Variants in SAMHD1 observed in about 807,000 individuals in gnomAD.
SAMHD1 encodes deoxynucleoside triphosphate triphosphohydrolase SAMHD1.
In SAMHD1, 54 loss-of-function variants were observed where a neutral mutation model predicts 79.6. The ratio of observed to expected loss-of-function variants is 0.68; its 90% CI spans 0.55 to 0.85. SAMHD1 has a LOEUF of 0.85. Among genes scored for constraint, SAMHD1 ranks in the 40% least tolerant of loss-of-function variants. The probability of loss-of-function intolerance (pLI) is 0.00; values close to 1 mark genes in which losing one functional copy is unlikely to be tolerated. For synonymous variants in SAMHD1, 260 were observed against 264.1 expected (o/e 0.98, Z 0.15); for missense variants, 663 against 782.7 (o/e 0.85, Z 1.82).
rs1601138007 is a variant in SAMHD1 at position 36,927,047 on chromosome 20, T to C, written c.696+135A>G. The C allele has an allele frequency of 4.1e-6, 3 of 734,926 alleles. No homozygotes were observed. In the South Asian group the frequency reaches 4.6e-5, roughly 11 times the overall value. 45.5% of individuals were successfully genotyped at this position (734,926 alleles called of 1,614,324 possible). ...AAACAAAAGCATATATATATATATG[T>C]GAATGAAAGCACCCTGGACACTGTA... On this transcript the variant is annotated intron_variant, in intron 6 of 15. Transcript: ENST00000646673.
intron 5 of SAMHD1, among the ~76,000 whole-genome samples, chr20:36,929,778 T>C (rs1256424380): frequency 1.3e-5 from 2 of 152,128 alleles, no homozygotes; most frequent in African/African-American, 4.8e-5. Context: ...TATATTCTTT[T>C]GCTTGGATTA....
At chr20:36,917,732 C>G (rs1398505953) in intron 7 of SAMHD1, among the ~76,000 whole-genome samples, 1 of 152,130 alleles carries the variant, frequency 6.6e-6, no homozygotes, top group East Asian at 1.9e-4. Context: ...TACTATCTTT[C>G]AAAGTAGCTA....
At chr20:36,939,463 G>A (rs1043231165) in intron 3 of SAMHD1, among the ~76,000 whole-genome samples, 1 of 151,760 alleles carries the variant, frequency 6.6e-6, no homozygotes, top group African/African-American at 2.4e-5. Flanking sequence ...GGGCATGGTG[G>A]TGTGCACCTG....
At chr20:36,944,790 A>G (rs2063674270) in intron 2 of SAMHD1, among the ~76,000 whole-genome samples, 1 of 152,112 alleles carries the variant, frequency 6.6e-6, no homozygotes, top group African/African-American at 2.4e-5. Flanking sequence ...GCTACTCGGG[A>G]GGCTGAGGCA....
chr20:36,928,510 C>A (rs1033864964), intron 5 of SAMHD1, among the ~76,000 whole-genome samples: 8 of 151,358 alleles, frequency 5.3e-5, no homozygotes, highest in Non-Finnish European at 1.2e-4. Flanking sequence ...GATGGTGAAA[C>A]CCTGTTTCTA....
intron 15 of SAMHD1, among the ~76,000 whole-genome samples, chr20:36,894,948 T>C (rs1601110507): frequency 6.6e-6 from 1 of 151,866 alleles, no homozygotes; most frequent in South Asian, 2.1e-4. Context: ...TCATAGCTCA[T>C]TGCAGCCTCA....
intron 7 of SAMHD1, among the ~76,000 whole-genome samples, chr20:36,917,881 A>G (rs1037456516): frequency 1.8e-4 from 27 of 152,224 alleles, no homozygotes; most frequent in Middle Eastern, 3.4e-3. Context: ...AAACAGCCCT[A>G]AAAATCTCAG....
At chr20:36,940,752 C>A in intron 3 of SAMHD1, 2 of 449,920 alleles carry the variant, frequency 4.4e-6, no homozygotes, top group Non-Finnish European at 8.0e-6. Flanking sequence ...TAATATTTTG[C>A]TCTAAAAATA....
At chr20:36,910,278 G>A (rs947016383) in intron 11 of SAMHD1, among the ~76,000 whole-genome samples, 2 of 150,280 alleles carry the variant, frequency 1.3e-5, no homozygotes, top group African/African-American at 4.9e-5. Context: ...GTCCCAAGTA[G>A]CCAAATCAGC....
At chr20:36,903,826 C>A (rs965294136) in intron 13 of SAMHD1, 2 of 217,532 alleles carry the variant, frequency 9.2e-6, no homozygotes, top group African/African-American at 4.7e-5. Context: ...TCTGGGATTA[C>A]AGGCGTGAGC....
At chr20:36,910,216 C>A (rs2063429359) in intron 11 of SAMHD1, among the ~76,000 whole-genome samples, 1 of 126,212 alleles carries the variant, frequency 7.9e-6, no homozygotes, top group East Asian at 2.7e-4. Context: ...GAGCAAGACT[C>A]CGTATCAAAA....
intron 1 of SAMHD1, among the ~76,000 whole-genome samples, chr20:36,947,551 G>GGTGTGTGTGTGTGTGT (rs71186095): frequency 2.6e-5 from 2 of 75,742 alleles, no homozygotes; most frequent in Non-Finnish European, 2.4e-5. Context: ...TTGGAAGAGG[G>GGTGTGTGTGTGTGTGT]GTGTGTGTGT....
At position 36,916,172 on chromosome 20, in the gene SAMHD1, G is replaced by A. The variant is rs1047529046; in HGVS notation, c.1062+550C>T. On this transcript the variant is annotated intron_variant, in intron 9 of 15. Coordinates refer to ENST00000646673, the MANE Select transcript of SAMHD1 (RefSeq NM_015474.4). ...CGAGACTCCGTCTCAAAAAAAAAAAGAGAGAGACTCTGGAACCAAACTTTT... is the reference window on the plus strand; with the variant it reads ...CGAGACTCCGTCTCAAAAAAAAAAAAAGAGAGACTCTGGAACCAAACTTTT... 1.4e-3 allele frequency among the ~76,000 whole-genome samples: 208 copies of A among 151,464 alleles called. 1 individual carries two copies. The highest frequency in any genetic ancestry group is 4.6e-3 in the African/African-American group (191 of 41,102).
rs895851053 is a variant in SAMHD1 at position 36,892,850 on chromosome 20, A to G, written c.*82T>C. 4.5e-6 allele frequency: 7 copies of G among 1,544,466 alleles called. No homozygotes were observed. Among genetic ancestry groups the G allele is most frequent in the Non-Finnish European group, 6.3e-6 (7 of 1,116,424 alleles). Reference sequence around the variant, plus strand: ...ATACAAAATTAAAGCATGAGTTGTCATTAATTTGCAGAATTCTATGATTGA... The same window carrying G: ...ATACAAAATTAAAGCATGAGTTGTCGTTAATTTGCAGAATTCTATGATTGA... On this transcript the variant is annotated 3_prime_UTR_variant, in exon 16 of 16. Coordinates refer to ENST00000646673, the MANE Select transcript of SAMHD1 (RefSeq NM_015474.4).
chr20:36,927,531 G>A (rs1008893233), intron 5 of SAMHD1, among the ~76,000 whole-genome samples: 2 of 151,826 alleles, frequency 1.3e-5, no homozygotes, highest in East Asian at 3.9e-4. Context: ...TGGTCAGGCT[G>A]GTCTCGAACT....
intron 6 of SAMHD1, among the ~76,000 whole-genome samples, chr20:36,925,432 T>C (rs2063530923): frequency 6.6e-6 from 1 of 152,216 alleles, no homozygotes; most frequent in Non-Finnish European, 1.5e-5. Context: ...TTATGGTTTT[T>C]TGCCTAAGGG....
rs913371362 is a variant in SAMHD1 at position 36,892,042 on chromosome 20, A to C, written c.*890T>G. The C allele has an allele frequency of 3.3e-5, 5 of 152,380 alleles. No homozygotes were observed. Among genetic ancestry groups the C allele is most frequent in the African/African-American group, 4.8e-5 (2 of 41,462 alleles). 9.4% of individuals were successfully genotyped at this position (152,380 alleles called of 1,614,324 possible). A position where few individuals can be genotyped will look rare whatever the true frequency, so the allele number is the denominator to read the frequency against. Reference sequence around the variant, plus strand: ...CTCTGGACCGGGGGAGTGAGTATTCAGGGGACAAAGGCACTACCCGGGTCT... The same window carrying C: ...CTCTGGACCGGGGGAGTGAGTATTCCGGGGACAAAGGCACTACCCGGGTCT... On this transcript the variant is annotated 3_prime_UTR_variant, in exon 16 of 16. Transcript: ENST00000646673.
intron 9 of SAMHD1, among the ~76,000 whole-genome samples, chr20:36,915,425 A>G (rs1219206608): frequency 6.6e-6 from 1 of 152,302 alleles, no homozygotes; most frequent in African/African-American, 2.4e-5. Context: ...CTATTTAGTT[A>G]AGTTTTTGGG....
Position 36,919,381 on chromosome 20 carries a change from G to C in SAMHD1, c.835C>G (p.Pro279Ala). 1 of 1,613,504 alleles carries C rather than the reference G, an allele frequency of 6.2e-7. No homozygotes were observed. Among genetic ancestry groups the C allele is most frequent in the Non-Finnish European group, 8.5e-7 (1 of 1,179,636 alleles). ...KEQIVGPLESPVEDSLWPYKG... is the reference protein window; with the variant it reads ...KEQIVGPLESAVEDSLWPYKG... ...AAACTTACCAATGAATCTTCGACAG[G>C]TGATTCAAGTGGTCCTACAATTTGT... Residue 279 changes from proline (P) to alanine (A), a missense_variant, in exon 7 of 16, where the codon CCT (proline) becomes GCT (alanine). Transcript: ENST00000646673.
Sources: gnomAD v4.1 joint callset for allele counts (sites outside exome capture counted in the v4.1 genomes callset) on GRCh38, gnomAD v4.1.1 for gene constraint, MANE v1.5 for transcripts, NCBI Gene and HGNC (gene_info 2026-07-23, HGNC 2026-07-21) for gene names.